The following NAA50 variants were observed in gnomAD, a reference collection of about 807,000 sequenced individuals.
The protein encoded by NAA50 is N-alpha-acetyltransferase 50.
A neutral mutation model predicts 20.7 loss-of-function variants in NAA50; 7 were observed. The observed-to-expected ratio is 0.34, with a 90% CI of 0.19 to 0.63. The LOEUF (loss-of-function observed/expected upper bound fraction) is 0.63, where lower values mean the gene tolerates loss of function less well. NAA50 is among the 30% of genes least tolerant of loss of function. NAA50 has a pLI of 0.75. For missense variants in NAA50, 111 were observed against 199.1 expected, an observed-to-expected ratio of 0.56 and a Z score of 2.66; for synonymous variants, 54 against 70.6, an observed-to-expected ratio of 0.77 and a Z score of 1.18.
In NAA50 at chr3:113,721,029, T is replaced by A. The variant is rs1708128145; in HGVS notation, c.*731A>T. 6.6e-6 allele frequency: 1 copy of A among 152,408 alleles called. No individual in the cohort carries two copies. The highest frequency in any genetic ancestry group is 2.1e-4 in the South Asian group (1 of 4,818). The allele number at this position is 152,408 out of a possible 1,614,324, so 9.4% of individuals were successfully genotyped here. A position where few individuals can be genotyped will look rare whatever the true frequency, so the allele number is the denominator to read the frequency against. On this transcript the variant is annotated 3_prime_UTR_variant, in exon 5 of 5. Transcript: ENST00000240922. ...AAAAAATTAATCTCACCAGCCCAAATTCTAAAAGTTAATGCCACTAGTAAC... is the reference window on the plus strand; with the variant it reads ...AAAAAATTAATCTCACCAGCCCAAAATCTAAAAGTTAATGCCACTAGTAAC...
intron 1 of NAA50, 27 bp downstream of exon 1, chr3:113,745,915 G>A (rs111280058): frequency 3.7e-6 from 6 of 1,600,998 alleles, no homozygotes; most frequent in Admixed American, 3.4e-5. Flanking sequence ...CCCACCGGCC[G>A]GGCCCTGCCC....
chr3:113,745,486 T>A (rs1708480169), intron 1 of NAA50, among the ~76,000 whole-genome samples: 1 of 152,208 alleles, frequency 6.6e-6, no homozygotes, highest in African/African-American at 2.4e-5. Flanking sequence ...TCCAGAAGGT[T>A]CTGCACAGCT....
At chr3:113,730,695 T>C (rs540342337) in intron 1 of NAA50, among the ~76,000 whole-genome samples, 7 of 152,294 alleles carry the variant, frequency 4.6e-5, no homozygotes, top group South Asian at 2.1e-4. Context: ...ACAAAATACA[T>C]AGCTGCTTGT....
intron 1 of NAA50, among the ~76,000 whole-genome samples, chr3:113,736,971 T>C (rs971590813): frequency 2.6e-5 from 4 of 152,222 alleles, no homozygotes; most frequent in African/African-American, 9.6e-5. Context: ...GAGTATTTGA[T>C]CTGGACTGGA....
At chr3:113,745,007 G>A (rs1708470035) in intron 1 of NAA50, among the ~76,000 whole-genome samples, 1 of 152,194 alleles carries the variant, frequency 6.6e-6, no homozygotes, top group Non-Finnish European at 1.5e-5. Context: ...GCATCGCAGA[G>A]AGCTTTTTAA....
rs1295202611 is a variant in NAA50 at position 113,717,882 on chromosome 3, C to G, written c.*3878G>C. ...CACAACCTAACCAAAACTACCCTGA[C>G]CTTGGGAGTCAACGAAGCCCAGCAT... On this transcript the variant is annotated 3_prime_UTR_variant, in exon 5 of 5. Coordinates refer to ENST00000240922, the MANE Select transcript of NAA50 (RefSeq NM_025146.4). The G allele has an allele frequency of 6.6e-6, 1 of 152,244 alleles. No homozygotes were observed. The highest frequency in any genetic ancestry group is 1.5e-5 in the Non-Finnish European group (1 of 68,110). 9.4% of individuals were successfully genotyped at this position (152,244 alleles called of 1,614,324 possible). A position where few individuals can be genotyped will look rare whatever the true frequency, so the allele number is the denominator to read the frequency against.
chr3:113,721,048 T>C lies in NAA50; in HGVS notation c.*712A>G, dbSNP rs773609331. ...CCCAAATTCTAAAAGTTAATGCCACTAGTAACAATCAACAGCAGGAAAAAC... is the reference window on the plus strand; with the variant it reads ...CCCAAATTCTAAAAGTTAATGCCACCAGTAACAATCAACAGCAGGAAAAAC... On this transcript the variant is annotated 3_prime_UTR_variant, in exon 5 of 5. Transcript: ENST00000240922. 6.6e-6 allele frequency: 1 copy of C among 152,502 alleles called. No homozygotes were observed. Among genetic ancestry groups the C allele is most frequent in the South Asian group, 2.1e-4 (1 of 4,826 alleles). The allele number at this position is 152,502 out of a possible 1,614,324, so 9.4% of individuals were successfully genotyped here. A position where few individuals can be genotyped will look rare whatever the true frequency, so the allele number is the denominator to read the frequency against.
At chr3:113,731,165 T>C (rs1321743698) in intron 1 of NAA50, among the ~76,000 whole-genome samples, 1 of 148,120 alleles carries the variant, frequency 6.8e-6, no homozygotes, top group Admixed American at 6.6e-5. Context: ...AGTTCAGATT[T>C]CTTGTCAATT....
intron 1 of NAA50, among the ~76,000 whole-genome samples, chr3:113,733,854 A>AC (rs1491104921): frequency 1.9e-5 from 1 of 54,022 alleles, no homozygotes; most frequent in Non-Finnish European, 3.9e-5. Context: ...CTCTGTCTCC[A>AC]AAAAAAAAAA....
chr3:113,735,567 CA>C (rs1305315403), intron 1 of NAA50, among the ~76,000 whole-genome samples: 3 of 152,186 alleles, frequency 2.0e-5, no homozygotes, highest in African/African-American at 7.2e-5. Context: ...TATGATGTAA[CA>C]ATGTAGACTA....
chr3:113,744,358 G>A (rs1708460823), intron 1 of NAA50, among the ~76,000 whole-genome samples: 1 of 151,978 alleles, frequency 6.6e-6, no homozygotes, highest in South Asian at 2.1e-4. Flanking sequence ...CACCGACTCG[G>A]AAGGCTGAGG....
chr3:113,739,646 A>G (rs1421876447), intron 1 of NAA50: 2 of 152,236 alleles, frequency 1.3e-5, no homozygotes, highest in Non-Finnish European at 2.9e-5. Flanking sequence ...ACCCTTTCAC[A>G]GCAGACCAAG....
At chr3:113,742,634 C>A (rs1029968568) in intron 1 of NAA50, among the ~76,000 whole-genome samples, 2 of 152,218 alleles carry the variant, frequency 1.3e-5, no homozygotes, top group Middle Eastern at 3.4e-3. Flanking sequence ...TCAGAGGTAA[C>A]CACTGTTCGG....
intron 4 of NAA50, among the ~76,000 whole-genome samples, chr3:113,722,287 G>T (rs1708145167): frequency 6.6e-6 from 1 of 152,016 alleles, no homozygotes; most frequent in Non-Finnish European, 1.5e-5. Context: ...AAAAACTAGG[G>T]TCTCAAAGCT....
intron 1 of NAA50, among the ~76,000 whole-genome samples, chr3:113,730,071 G>A (rs1708252560): frequency 6.6e-6 from 1 of 152,086 alleles, no homozygotes; most frequent in East Asian, 1.9e-4. Flanking sequence ...AGGCTGACTC[G>A]GGTGGATCAC....
chr3:113,737,949 A>C (rs1256104922), intron 1 of NAA50, among the ~76,000 whole-genome samples: 1 of 152,164 alleles, frequency 6.6e-6, no homozygotes, highest in African/African-American at 2.4e-5. Flanking sequence ...TCAGGCCTGT[A>C]ATCCCAGCAT....
chr3:113,745,430 G>C (rs1340823808), intron 1 of NAA50, among the ~76,000 whole-genome samples: 3 of 152,080 alleles, frequency 2.0e-5, no homozygotes, highest in Non-Finnish European at 4.4e-5. Context: ...TGAGTCACTA[G>C]CTCTTAATAC....
chr3:113,731,524 C>G (rs996166243), intron 1 of NAA50, among the ~76,000 whole-genome samples: 1 of 149,982 alleles, frequency 6.7e-6, no homozygotes, highest in Non-Finnish European at 1.5e-5. Context: ...GTGCACACTT[C>G]AGTGATTTTT....
chr3:113,740,723 T>A (rs909406971), intron 1 of NAA50: 1 of 165,104 alleles, frequency 6.1e-6, no homozygotes, highest in Non-Finnish European at 1.3e-5. Flanking sequence ...AGTTCTGTCA[T>A]ACAAGGCACA....
Sources: allele counts gnomAD v4.1 joint callset (sites outside exome capture counted in the v4.1 genomes callset), GRCh38; gene constraint gnomAD v4.1.1; transcripts MANE v1.5; gene names NCBI Gene and HGNC (gene_info 2026-07-23, HGNC 2026-07-21).